MPPED2: variants seen among roughly 807,000 people sequenced by gnomAD.
The protein encoded by MPPED2 is metallophosphoesterase MPPED2.
MPPED2 carries 5 observed loss-of-function variants against 33.0 expected under a neutral mutation model. That is an observed-to-expected ratio of 0.15 (90% CI 0.08 to 0.32). MPPED2 has a LOEUF of 0.32. Among genes scored for constraint, MPPED2 ranks in the 10% least tolerant of loss-of-function variants. The pLI, the probability that MPPED2 is intolerant of heterozygous loss-of-function variation, is 1.00. For missense variants in MPPED2, 275 were observed against 372.1 expected (o/e 0.74, Z 2.15); for synonymous variants, 136 against 141.9 (o/e 0.96, Z 0.29).
intron 4 of MPPED2, among the ~76,000 whole-genome samples, chr11:30,471,607 G>A (rs1465501041): frequency 6.6e-6 from 1 of 152,174 alleles, no homozygotes; most frequent in African/African-American, 2.4e-5. Flanking sequence ...TGTAGCACTT[G>A]TGACAGTCTG....
At chr11:30,484,950 C>CT in intron 4 of MPPED2, among the ~76,000 whole-genome samples, 1 of 152,104 alleles carries the variant, frequency 6.6e-6, no homozygotes, top group Admixed American at 6.6e-5. Flanking sequence ...TTCTCTTCTA[C>CT]CATGGTAATA....
At chr11:30,481,077 T>A (rs1050495308) in intron 4 of MPPED2, among the ~76,000 whole-genome samples, 1 of 152,130 alleles carries the variant, frequency 6.6e-6, no homozygotes, top group African/African-American at 2.4e-5. Context: ...CTTCTTACAG[T>A]AGCTAATACT....
At chr11:30,441,787 G>T (rs1949584429) in intron 4 of MPPED2, among the ~76,000 whole-genome samples, 1 of 152,014 alleles carries the variant, frequency 6.6e-6, no homozygotes, top group South Asian at 2.1e-4. Context: ...GTGGGAACAA[G>T]TGCTGAGGCC....
At chr11:30,581,121 G>C (rs1210175748) in intron 1 of MPPED2, among the ~76,000 whole-genome samples, 1 of 152,072 alleles carries the variant, frequency 6.6e-6, no homozygotes, top group Middle Eastern at 3.2e-3. Flanking sequence ...AATCTTTCTT[G>C]TTAAATGTAG....
intron 4 of MPPED2, among the ~76,000 whole-genome samples, chr11:30,457,234 A>G (rs897031976): frequency 6.6e-6 from 1 of 152,204 alleles, no homozygotes; most frequent in African/African-American, 2.4e-5. Flanking sequence ...TGGAGACACA[A>G]TAAGGGAGAG....
intron 2 of MPPED2, among the ~76,000 whole-genome samples, chr11:30,573,472 G>C (rs1022967046): frequency 4.6e-5 from 7 of 152,176 alleles, no homozygotes; most frequent in African/African-American, 1.7e-4. Context: ...AACCCTGGCT[G>C]CCTCAGGCAG....
chr11:30,438,514 G>A (rs770745652), intron 4 of MPPED2, among the ~76,000 whole-genome samples: 2 of 152,208 alleles, frequency 1.3e-5, no homozygotes, highest in Non-Finnish European at 2.9e-5. Context: ...AGATAATGGG[G>A]TGAGACACTT....
chr11:30,534,931 T>C (rs1163789936), intron 3 of MPPED2, among the ~76,000 whole-genome samples: 2 of 152,092 alleles, frequency 1.3e-5, no homozygotes, highest in African/African-American at 4.8e-5. Context: ...GCAAAAACGT[T>C]TTAAGTCTTA....
chr11:30,429,413 G>A (rs1218205294), intron 4 of MPPED2: 1 of 152,108 alleles, frequency 6.6e-6, no homozygotes, highest in African/African-American at 2.4e-5. Flanking sequence ...GGCTCTAAAC[G>A]ACTAGTTTCA....
Position 30,586,071 on chromosome 11 carries a change from G to T in MPPED2, c.-151C>A, listed in dbSNP as rs1017910776. 17 of 152,318 alleles carry T rather than the reference G, an allele frequency of 1.1e-4. No homozygotes were observed. The highest frequency in any genetic ancestry group is 4.1e-4 in the African/African-American group (17 of 41,582). 9.4% of individuals were successfully genotyped at this position (152,318 alleles called of 1,614,324 possible). ...CCCGGGCTGCGCTCCGGATCCCGGGGATGCCTTCAGCGCCCGGCGAGCAGG... is the reference window on the plus strand; with the variant it reads ...CCCGGGCTGCGCTCCGGATCCCGGGTATGCCTTCAGCGCCCGGCGAGCAGG... On this transcript the variant is annotated 5_prime_UTR_variant, in exon 1 of 7. Coordinates refer to ENST00000358117, the MANE Select transcript of MPPED2 (RefSeq NM_001584.3). The surrounding 1 kb of genome is among the most constrained non-coding windows in gnomAD (Gnocchi z 4.8).
chr11:30,495,198 A>G, intron 4 of MPPED2, 98 bp downstream of exon 4: 2 of 831,444 alleles, frequency 2.4e-6, no homozygotes, highest in Non-Finnish European at 4.0e-6. Flanking sequence ...GTTTCCTTTC[A>G]TCCTAATCAT....
At chr11:30,492,730 T>A (rs753229573) in intron 4 of MPPED2, among the ~76,000 whole-genome samples, 6 of 151,968 alleles carry the variant, frequency 3.9e-5, no homozygotes, top group Non-Finnish European at 7.4e-5. Flanking sequence ...AAGCTAGGTA[T>A]AAACTGGATC....
intron 4 of MPPED2, among the ~76,000 whole-genome samples, chr11:30,492,056 C>T (rs571658393): frequency 1.5e-3 from 226 of 152,268 alleles, no homozygotes; most frequent in African/African-American, 5.4e-3. Context: ...CTGATTAGTG[C>T]TTATTTTCTT....
intron 3 of MPPED2, among the ~76,000 whole-genome samples, chr11:30,519,255 C>T (rs1785053429): frequency 6.6e-6 from 1 of 152,010 alleles, no homozygotes; most frequent in African/African-American, 2.4e-5. Context: ...GGAAACAGAG[C>T]AAGATCCTGT....
At chr11:30,568,216 A>T (rs1284263111) in intron 2 of MPPED2, among the ~76,000 whole-genome samples, 3 of 152,210 alleles carry the variant, frequency 2.0e-5, no homozygotes, top group Non-Finnish European at 2.9e-5. Flanking sequence ...TGCTATAAAG[A>T]TAAGACACTA....
intron 2 of MPPED2, among the ~76,000 whole-genome samples, chr11:30,551,512 TA>T (rs1955713387): frequency 6.6e-6 from 1 of 152,186 alleles, no homozygotes; most frequent in Non-Finnish European, 1.5e-5. Context: ...CCTTTTAAAA[TA>T]TCTAATAAAT....
chr11:30,521,731 A>C (rs922058139), intron 3 of MPPED2, among the ~76,000 whole-genome samples: 1 of 152,236 alleles, frequency 6.6e-6, no homozygotes, highest in Non-Finnish European at 1.5e-5. Flanking sequence ...TGAAACAAAT[A>C]TAACATCAGT....
chr11:30,468,123 A>G (rs1950791615), intron 4 of MPPED2, among the ~76,000 whole-genome samples: 1 of 152,158 alleles, frequency 6.6e-6, no homozygotes. Context: ...ACCTGTACTA[A>G]TATTTACTAA....
intron 2 of MPPED2, among the ~76,000 whole-genome samples, chr11:30,579,221 A>G (rs902140962): frequency 6.6e-6 from 1 of 150,690 alleles, no homozygotes; most frequent in Non-Finnish European, 1.5e-5. Flanking sequence ...GTGTCCTACT[A>G]TTTTTTTTTA....
Sources: gnomAD v4.1 joint callset for allele counts (sites outside exome capture counted in the v4.1 genomes callset) on GRCh38, gnomAD v4.1.1 for gene constraint, Gnocchi (gnomAD v3.1) non-coding constraint, MANE v1.5 for transcripts, NCBI Gene and HGNC (gene_info 2026-07-23, HGNC 2026-07-21) for gene names.